The following ADAMTS17 variants were observed in gnomAD, a reference collection of about 807,000 sequenced individuals.
The protein encoded by ADAMTS17 is ADAM metallopeptidase with thrombospondin type 1 motif 17.
Under a neutral mutation model 141.5 loss-of-function variants are expected in ADAMTS17, and 113 were observed. The observed-to-expected ratio is 0.80, with a 90% CI of 0.69 to 0.93. The LOEUF (loss-of-function observed/expected upper bound fraction) is 0.93. Ranked by LOEUF, ADAMTS17 falls within the 40% of genes least tolerant of loss-of-function variation. ADAMTS17 has a pLI of 0.00. For synonymous variants in ADAMTS17, 768 were observed against 630.6 expected, an observed-to-expected ratio of 1.22 and a Z score of -3.27; for missense variants, 1,659 against 1,517.9, an observed-to-expected ratio of 1.09 and a Z score of -1.54.
chr15:100,090,996 A>G lies in ADAMTS17; in HGVS notation c.2137+5360T>C, dbSNP rs190863735. 1.2e-4 allele frequency among the ~76,000 whole-genome samples: 17 copies of G among 137,814 alleles called. No homozygotes were observed. In the East Asian group the frequency reaches 3.9e-3, roughly 31 times the overall value. The allele number at this position is 137,814 out of a possible 152,430, so 90.4% of individuals were successfully genotyped here. A position where few individuals can be genotyped will look rare whatever the true frequency, so the allele number is the denominator to read the frequency against. On this transcript the variant is annotated intron_variant, in intron 15 of 21. Transcript: ENST00000268070. ...GCATTCCAGCCTGGGAGGCAGAGTG[A>G]GACTCCGTCTCAACAAAAAAAAAAA...
chr15:100,113,119 G>A (rs2036896846), intron 13 of ADAMTS17, among the ~76,000 whole-genome samples: 1 of 152,108 alleles, frequency 6.6e-6, no homozygotes, highest in East Asian at 1.9e-4. Flanking sequence ...GTCCCCGGCG[G>A]ACAGGCCTCT....
chr15:100,292,369 C>G (rs148549248), intron 3 of ADAMTS17, among the ~76,000 whole-genome samples: 16 of 140,496 alleles, frequency 1.1e-4, no homozygotes, highest in African/African-American at 4.2e-4. Flanking sequence ...TGTGAAATTA[C>G]GAGAGATGCT....
rs549431116 is a variant in ADAMTS17, at chr15:100,313,731, C to A, written c.616+17158G>T. ...CTGGACACGTACACCCCAAATGTCA[C>A]CATGAAGAAACGTCAGACAAAACCA... On this transcript the variant is annotated intron_variant, in intron 3 of 21. Transcript: ENST00000268070. Among the ~76,000 whole-genome samples, 258 of 152,000 alleles carry A rather than the reference C, an allele frequency of 1.7e-3. 1 individual carries two copies. Among genetic ancestry groups the A allele is most frequent in the Non-Finnish European group, 3.3e-3 (226 of 67,986 alleles).
At chr15:100,272,190 C>A (rs2043937391) in intron 4 of ADAMTS17, among the ~76,000 whole-genome samples, 1 of 152,070 alleles carries the variant, frequency 6.6e-6, no homozygotes, top group African/African-American at 2.4e-5. Flanking sequence ...TATTCAATGT[C>A]CTTTGAGATT....
intron 3 of ADAMTS17, among the ~76,000 whole-genome samples, chr15:100,329,917 C>A (rs1454519859): frequency 1.3e-5 from 2 of 152,194 alleles, no homozygotes; most frequent in African/African-American, 4.8e-5. Context: ...GATACTAAAC[C>A]AAGACACATT....
intron 8 of ADAMTS17, among the ~76,000 whole-genome samples, chr15:100,193,198 C>T (rs2040983369): frequency 6.6e-6 from 1 of 152,272 alleles, no homozygotes; most frequent in Admixed American, 6.5e-5. Context: ...CTGCCCGGCC[C>T]ATTATTCCAG....
chr15:100,062,968 C>T (rs894616111), intron 15 of ADAMTS17, among the ~76,000 whole-genome samples: 1 of 152,188 alleles, frequency 6.6e-6, no homozygotes, highest in African/African-American at 2.4e-5. Flanking sequence ...ACTGAGAACT[C>T]CAACCACCTT....
rs572515077 is a variant in ADAMTS17, at chr15:100,116,289, G to A, written c.1888+558C>T. Among the ~76,000 whole-genome samples, 5 of 152,234 alleles carry A rather than the reference G, an allele frequency of 3.3e-5. No homozygotes were observed. In the East Asian group the frequency reaches 5.8e-4, roughly 18 times the overall value. On this transcript the variant is annotated intron_variant, in intron 13 of 21. Coordinates refer to ENST00000268070, the MANE Select transcript of ADAMTS17 (RefSeq NM_139057.4). ...CTACTGGAAATGCTTGCAGTGGCCC[G>A]ATGGGGCAGAGCCTCTTGATTCAGG...
At chr15:100,305,541 A>AGG (rs2045194194) in intron 3 of ADAMTS17, among the ~76,000 whole-genome samples, 1 of 152,234 alleles carries the variant, frequency 6.6e-6, no homozygotes, top group Non-Finnish European at 1.5e-5. Flanking sequence ...CAGCTGCTAG[A>AGG]GGGCAGGCAG....
rs1408453347 is a variant in ADAMTS17, at chr15:99,974,053, T to C, written c.*349A>G. On this transcript the variant is annotated 3_prime_UTR_variant, in exon 22 of 22. Coordinates refer to ENST00000268070, the MANE Select transcript of ADAMTS17 (RefSeq NM_139057.4). ...GTTTCCTCCATGATATACCAAGCAC[T>C]GGAAATTCAAATGTCAAAAGCGAGT... 3 of 379,002 alleles carry C rather than the reference T, an allele frequency of 7.9e-6. No individual in the cohort carries two copies. Among genetic ancestry groups the C allele is most frequent in the Non-Finnish European group, 1.5e-5 (3 of 198,238 alleles). The allele number at this position is 379,002 out of a possible 1,614,324, so 23.5% of individuals were successfully genotyped here.
At chr15:100,187,123 C>G (rs538356928) in intron 8 of ADAMTS17, among the ~76,000 whole-genome samples, 1 of 152,188 alleles carries the variant, frequency 6.6e-6, no homozygotes, top group Admixed American at 6.5e-5. Flanking sequence ...CAGCTCCCAC[C>G]GGTACAAGGT....
At chr15:100,258,934 T>C (rs970025613) in intron 6 of ADAMTS17, among the ~76,000 whole-genome samples, 1 of 151,688 alleles carries the variant, frequency 6.6e-6, no homozygotes, top group African/African-American at 2.4e-5. Flanking sequence ...GTCATCTTGG[T>C]GACATTTATT....
intron 15 of ADAMTS17, among the ~76,000 whole-genome samples, chr15:100,059,167 A>G (rs969281813): frequency 2.6e-5 from 4 of 152,178 alleles, no homozygotes; most frequent in Non-Finnish European, 5.9e-5. Context: ...TCTGGAGCCG[A>G]TGAGTTGGAG....
intron 18 of ADAMTS17, among the ~76,000 whole-genome samples, chr15:100,021,835 A>C (rs1436203596): frequency 3.9e-5 from 6 of 152,044 alleles, no homozygotes; most frequent in African/African-American, 1.4e-4. Flanking sequence ...TCCTTCACTC[A>C]GACATGCTGG....
intron 15 of ADAMTS17, among the ~76,000 whole-genome samples, chr15:100,091,676 A>G (rs1400733952): frequency 6.6e-6 from 1 of 152,220 alleles, no homozygotes; most frequent in African/African-American, 2.4e-5. Context: ...TTTCAGGAGC[A>G]TTAACCATCT....
At chr15:100,167,049 T>A (rs1173118278) in intron 8 of ADAMTS17, among the ~76,000 whole-genome samples, 2 of 152,226 alleles carry the variant, frequency 1.3e-5, no homozygotes, top group African/African-American at 4.8e-5. Flanking sequence ...ACTGGCCACG[T>A]GTGGCTACTA....
chr15:100,340,384 C>A (rs2046327611), intron 2 of ADAMTS17, among the ~76,000 whole-genome samples: 1 of 152,180 alleles, frequency 6.6e-6, no homozygotes, highest in African/African-American at 2.4e-5. Flanking sequence ...GGGTTTATCA[C>A]CAATGTAAAC....
chr15:100,308,879 C>A (rs1304915921), intron 3 of ADAMTS17, among the ~76,000 whole-genome samples: 1 of 152,176 alleles, frequency 6.6e-6, no homozygotes, highest in Non-Finnish European at 1.5e-5. Flanking sequence ...GGTGAGAAAG[C>A]CACACCAGAT....
chr15:100,262,478 A>C (rs756569170), intron 4 of ADAMTS17, 43 bp from the exon 5 acceptor site: 3 of 1,533,430 alleles, frequency 2.0e-6, no homozygotes, highest in Non-Finnish European at 2.7e-6. Flanking sequence ...AAGATAAAAA[A>C]TTTTAAAAAT....
Sources: allele counts gnomAD v4.1 joint callset (sites outside exome capture counted in the v4.1 genomes callset), GRCh38; gene constraint gnomAD v4.1.1; transcripts MANE v1.5; gene names NCBI Gene and HGNC (gene_info 2026-07-23, HGNC 2026-07-21).